The following PAPLN variants were observed in gnomAD, a reference collection of about 807,000 sequenced individuals.
The protein encoded by PAPLN is papilin, proteoglycan like sulfated glycoprotein.
In PAPLN, 146 loss-of-function variants were observed where a neutral mutation model predicts 159.0. The ratio of observed to expected loss-of-function variants is 0.92; its 90% CI spans 0.80 to 1.05. The LOEUF (loss-of-function observed/expected upper bound fraction) is 1.05. Among genes scored for constraint, PAPLN ranks in the 50% least tolerant of loss-of-function variants. The pLI is 0.00. For synonymous variants in PAPLN, 734 were observed against 702.9 expected (o/e 1.04, Z -0.70); for missense variants, 1,720 against 1,743.9 (o/e 0.99, Z 0.24).
chr14:73,247,984 CTGTGTG>C (rs60942606), intron 5 of PAPLN, among the ~76,000 whole-genome samples: 375 of 19,356 alleles, frequency 0.019, 9 homozygotes, highest in African/African-American at 0.04. Context: ...CTCATATCCT[CTGTGTG>C]TGTGTGTGTG....
chr14:73,266,627 G>A lies in PAPLN; in HGVS notation c.3390G>A (p.Leu1130=). The change falls in exon 24 of 27, where the codon CTG becomes CTA. Residue 1130 remains leucine (L), a splice_region_variant and synonymous_variant. Transcript: ENST00000644200. The stretch of plus-strand genomic sequence containing the variant: ...AGCGATGGGTCCAGCTCAGAGTTCT[G>A]GGTAAAGTGGCAGTCCTGAGTGGCC... ...RDQRWVQLRV[L]GELTISGLPP... 2 of 1,614,120 alleles carry A rather than the reference G, an allele frequency of 1.2e-6. No individual in the cohort carries two copies. Among genetic ancestry groups the A allele is most frequent in the Non-Finnish European group, 1.7e-6 (2 of 1,180,006 alleles).
In PAPLN at chr14:73,244,303, C is replaced by T. The variant is rs370374533; in HGVS notation, c.55-341C>T. 92 of 210,394 alleles carry T rather than the reference C, an allele frequency of 4.4e-4. 2 individuals carry two copies. Among genetic ancestry groups the T allele is most frequent in the Middle Eastern group, 1.9e-3 (1 of 526 alleles). The allele number at this position is 210,394 out of a possible 1,614,324, so 13.0% of individuals were successfully genotyped here. A position where few individuals can be genotyped will look rare whatever the true frequency, so the allele number is the denominator to read the frequency against. On this transcript the variant is annotated intron_variant, in intron 2 of 26. Transcript: ENST00000644200. Reference sequence around the variant, plus strand: ...TTTTCTTTTAGGCCCCCCTCCCCTACATCACGGTTAACCTACAAATGCCTG... The same window carrying T: ...TTTTCTTTTAGGCCCCCCTCCCCTATATCACGGTTAACCTACAAATGCCTG...
intron 2 of PAPLN, chr14:73,243,495 C>G (rs1243788682): frequency 6.6e-6 from 1 of 152,202 alleles, no homozygotes; most frequent in Non-Finnish European, 1.5e-5. Context: ...TCATTTGATT[C>G]CCCCAGGTGG....
In PAPLN at chr14:73,239,851, C is replaced by A. The variant is rs774242027; in HGVS notation, c.54+19C>A. 1.7e-5 allele frequency: 26 copies of A among 1,569,914 alleles called. No homozygotes were observed. Among genetic ancestry groups the A allele is most frequent in the Admixed American group, 5.3e-5 (3 of 56,368 alleles). On this transcript the variant is annotated intron_variant, in intron 2 of 26. Coordinates refer to ENST00000644200, the MANE Select transcript of PAPLN (RefSeq NM_001365906.3). ...GTCCTCGGTGAGTGCGGTCCTGCCC[C>A]GGCCCCCGGAGGAACCTGCAGGGGA... is the stretch of plus-strand genomic sequence containing the variant.
intron 21 of PAPLN, 48 bp downstream of exon 21, chr14:73,264,383 G>A: frequency 5.7e-6 from 9 of 1,585,602 alleles, no homozygotes; most frequent in Non-Finnish European, 6.9e-6. Context: ...GGGCCCGAGT[G>A]GGAAGGCCAG....
intron 14 of PAPLN, among the ~76,000 whole-genome samples, chr14:73,258,619 A>AAAAAAAG (rs1491294620): frequency 1.7e-5 from 1 of 57,242 alleles, no homozygotes; most frequent in Non-Finnish European, 3.3e-5. Flanking sequence ...CCCTATCTCT[A>AAAAAAAG]AAAAAAAAAA....
chr14:73,262,661 C>A lies in PAPLN; in HGVS notation c.2557C>A (p.Pro853Thr), dbSNP rs200348311. 564 of 1,503,478 alleles carry A rather than the reference C, an allele frequency of 3.8e-4. 3 individuals are homozygous for A. The highest frequency in any genetic ancestry group is 2.0e-4 in the Admixed American group (9 of 45,456). The allele number at this position is 1,503,478 out of a possible 1,614,324, so 93.1% of individuals were successfully genotyped here. Residue 853 changes from proline (P) to threonine (T), a missense_variant, in exon 19 of 27, where the codon CCT becomes ACT. Transcript: ENST00000644200. ...GGCCGCGGTGCAGAGAAAGCCCTGG[C>A]CTTCTGGTGGTCTCTGGCGGCAAGA... is the stretch of plus-strand genomic sequence containing the variant. ...TGAAVQRKPW[P>T]SGGLWRQDQQ...
Position 73,252,055 on chromosome 14 carries a change from A to C in PAPLN, c.881A>C (p.Glu294Ala). The change falls in exon 10 of 27, where the codon GAG becomes GCG. Residue 294 changes from glutamate (E) to alanine (A), a missense_variant. By Grantham distance (107) the Glu-to-Ala change is moderately radical. Coordinates refer to ENST00000644200, the MANE Select transcript of PAPLN (RefSeq NM_001365906.3). The stretch of plus-strand genomic sequence containing the variant: ...GAGCCCAACCCCGGTGTGCACTATG[A>C]GTACCACCTGCCCCTGCGCCGCCCC... ...SQEPNPGVHY[E>A]YHLPLRRPSP... 1 of 1,612,596 alleles carries C rather than the reference A, an allele frequency of 6.2e-7. No homozygotes were observed. The highest frequency in any genetic ancestry group is 8.5e-7 in the Non-Finnish European group (1 of 1,179,672).
At position 73,262,784 on chromosome 14, in the gene PAPLN, G is replaced by A. The variant is rs1594821420; in HGVS notation, c.2680G>A (p.Asp894Asn). 1 of 1,502,114 alleles carries A rather than the reference G, an allele frequency of 6.7e-7. No homozygotes were observed. 93.0% of individuals were successfully genotyped at this position (1,502,114 alleles called of 1,614,324 possible). ...LGSRAPGLGG[D>N]AGSPAPPFHS... ...GTCCAGGGCCCCTGGACTGGGTGGA[G>A]ATGCCGGATCACCAGCGCCACCCTT... Residue 894 changes from aspartate to asparagine, a missense_variant, in exon 19 of 27, where the codon GAT (aspartate) becomes AAT (asparagine). By Grantham distance (23) the Asp-to-Asn change is conservative. Coordinates refer to ENST00000644200, the MANE Select transcript of PAPLN (RefSeq NM_001365906.3).
intron 26 of PAPLN, 41 bp from the exon 27 acceptor site, chr14:73,272,454 G>C (rs778959951): frequency 2.0e-6 from 3 of 1,469,194 alleles, no homozygotes; most frequent in African/African-American, 2.8e-5. Context: ...AGCATACACA[G>C]AGCTTCCTCA....
intron 14 of PAPLN, among the ~76,000 whole-genome samples, chr14:73,255,263 T>C (rs565060860): frequency 6.6e-6 from 1 of 152,310 alleles, no homozygotes; most frequent in East Asian, 1.9e-4. Context: ...CTGGCCCCCA[T>C]AGCATGCTGT....
chr14:73,252,219 C>T (rs757310383), intron 10 of PAPLN, 78 bp downstream of exon 10: 224 of 1,481,436 alleles, frequency 1.5e-4, no homozygotes, highest in Non-Finnish European at 1.9e-4. Flanking sequence ...CAAGTCACAG[C>T]CCTCTCCTCA....
chr14:73,266,181 A>T (rs148540727), intron 23 of PAPLN, among the ~76,000 whole-genome samples: 3,640 of 152,220 alleles, frequency 0.024, 153 homozygotes, highest in African/African-American at 0.083. Flanking sequence ...TCTACTAAAA[A>T]TACAAAAATA....
rs1230824863 is a variant in PAPLN, at chr14:73,260,692, G to A, written c.1986-17G>A. ...GGGGCAGGCTGGGCAGTGAGGGGCT[G>A]TGTGATGTCTGCCTAGGTACGGGTG... is the stretch of plus-strand genomic sequence containing the variant. On this transcript the variant is annotated splice_polypyrimidine_tract_variant and intron_variant, in intron 16 of 26. Coordinates refer to ENST00000644200, the MANE Select transcript of PAPLN (RefSeq NM_001365906.3). The A allele has an allele frequency of 2.1e-6, 3 of 1,449,238 alleles. No homozygotes were observed. Among genetic ancestry groups the A allele is most frequent in the Non-Finnish European group, 2.7e-6 (3 of 1,103,250 alleles). The allele number at this position is 1,449,238 out of a possible 1,614,324, so 89.8% of individuals were successfully genotyped here. A position where few individuals can be genotyped will look rare whatever the true frequency, so the allele number is the denominator to read the frequency against.
At chr14:73,258,084 C>T (rs1886132762) in intron 14 of PAPLN, among the ~76,000 whole-genome samples, 1 of 152,130 alleles carries the variant, frequency 6.6e-6, no homozygotes, top group African/African-American at 2.4e-5. Context: ...GTCTTTCTAT[C>T]CCTTTGTCTA....
At chr14:73,257,384 G>T (rs1392278175) in intron 14 of PAPLN, among the ~76,000 whole-genome samples, 1 of 141,996 alleles carries the variant, frequency 7.0e-6, no homozygotes, top group Non-Finnish European at 1.5e-5. Context: ...AGCACTCAGA[G>T]CAACTTTCAC....
At chr14:73,256,484 A>G (rs1885919307) in intron 14 of PAPLN, among the ~76,000 whole-genome samples, 3 of 148,042 alleles carry the variant, frequency 2.0e-5, no homozygotes, top group Non-Finnish European at 3.0e-5. Flanking sequence ...GTGAGCCGAG[A>G]TCACGCCATT....
At position 73,265,554 on chromosome 14, in the gene PAPLN, ACCTTAT is replaced by A; in HGVS notation, c.3263+51_3263+56del. On this transcript the variant is annotated intron_variant, in intron 23 of 26. Coordinates refer to ENST00000644200, the MANE Select transcript of PAPLN (RefSeq NM_001365906.3). This position sits in a 1 kb window ranked among gnomAD's most constrained non-coding sequence, Gnocchi z 4.1. ...TTCCTCCTATTCTGCCTCCAGCCCCACCTTATCCTATGGAGGCCACCGGGGAAGGGA... is the reference window on the plus strand; with the variant it reads ...TTCCTCCTATTCTGCCTCCAGCCCCACCTATGGAGGCCACCGGGGAAGGGA... The A allele has an allele frequency of 1.3e-6, 2 of 1,595,412 alleles. No homozygotes were observed. The highest frequency in any genetic ancestry group is 1.7e-6 in the Non-Finnish European group (2 of 1,169,566).
chr14:73,238,438 G>A (rs1387468423), intron 1 of PAPLN, among the ~76,000 whole-genome samples: 1 of 152,258 alleles, frequency 6.6e-6, no homozygotes, highest in East Asian at 1.9e-4. Flanking sequence ...GCCACCAAAT[G>A]AACCGAAAAA....
Sources: allele counts gnomAD v4.1 joint callset (sites outside exome capture counted in the v4.1 genomes callset), GRCh38; gene constraint gnomAD v4.1.1; non-coding constraint Gnocchi (gnomAD v3.1); transcripts MANE v1.5; gene names NCBI Gene and HGNC (gene_info 2026-07-23, HGNC 2026-07-21).